Variants in ZNF589 observed in about 807,000 individuals in gnomAD.
ZNF589 encodes zinc finger protein 589.
A neutral mutation model predicts 13.6 loss-of-function variants in ZNF589; 17 were observed. The ratio of observed to expected loss-of-function variants is 1.25; its 90% CI spans 0.86 to 1.88. ZNF589 has a LOEUF of 1.88. Ranked by LOEUF, ZNF589 falls within the 40% of genes most tolerant of loss-of-function variation. The probability of loss-of-function intolerance (pLI) is 0.00; values close to 1 mark genes in which losing one functional copy is unlikely to be tolerated. For missense variants in ZNF589, 407 were observed against 434.0 expected (o/e 0.94, Z 0.55); for synonymous variants, 148 against 161.6 (o/e 0.92, Z 0.64).
At chr3:48,253,498 C>CTTTTT (rs59231973) in intron 2 of ZNF589, among the ~76,000 whole-genome samples, 2 of 95,320 alleles carry the variant, frequency 2.1e-5, no homozygotes, top group African/African-American at 4.0e-5. Context: ...TCATATTTTT[C>CTTTTT]TTTTTTTTTT....
intron 2 of ZNF589, 51 bp downstream of exon 2, chr3:48,247,728 A>C: frequency 6.3e-7 from 1 of 1,595,522 alleles, no homozygotes; most frequent in Non-Finnish European, 8.6e-7. Context: ...CATTTCTCAG[A>C]GAATGGGCTC....
chr3:48,257,540 G>A (rs1052087377), intron 2 of ZNF589, among the ~76,000 whole-genome samples: 3 of 152,018 alleles, frequency 2.0e-5, no homozygotes, highest in Non-Finnish European at 4.4e-5. Context: ...GATTACAGAC[G>A]TGAGCCACCG....
Position 48,269,265 on chromosome 3 carries a change from A to G in ZNF589, c.*479A>G, listed in dbSNP as rs754525171. On this transcript the variant is annotated 3_prime_UTR_variant, in exon 4 of 4. Coordinates refer to ENST00000354698, the MANE Select transcript of ZNF589 (RefSeq NM_016089.3). The stretch of plus-strand genomic sequence containing the variant: ...AGACACCAGAGGACACACACAGGAG[A>G]AAAGCCTTATGTCTGCGGAGAGTGT... 4.3e-5 allele frequency: 67 copies of G among 1,559,242 alleles called. No individual in the cohort carries two copies. Among genetic ancestry groups the G allele is most frequent in the Non-Finnish European group, 5.7e-5 (65 of 1,140,712 alleles).
rs1254366689 is a variant in ZNF589 at position 48,268,290 on chromosome 3, T to C, written c.599T>C (p.Val200Ala). 4.3e-6 allele frequency: 7 copies of C among 1,612,888 alleles called. No homozygotes were observed. Among genetic ancestry groups the C allele is most frequent in the African/African-American group, 2.7e-5 (2 of 74,866 alleles). ...SPAQNASSEE[V>A]DRISKRAETP... ...GCCCAGAATGCAAGCTCTGAGGAAGTAGACAGAATTTCCAAGAGGGCAGAA... is the reference window on the plus strand; with the variant it reads ...GCCCAGAATGCAAGCTCTGAGGAAGCAGACAGAATTTCCAAGAGGGCAGAA... Residue 200 changes from valine to alanine, a missense_variant, in exon 4 of 4, where the codon GTA becomes GCA. Val to Ala is a moderately conservative substitution (Grantham distance 64). Coordinates refer to ENST00000354698, the MANE Select transcript of ZNF589 (RefSeq NM_016089.3).
intron 1 of ZNF589, among the ~76,000 whole-genome samples, chr3:48,245,844 G>A (rs767898506): frequency 6.6e-6 from 1 of 151,976 alleles, no homozygotes; most frequent in Non-Finnish European, 1.5e-5. Flanking sequence ...CTACTTGGGA[G>A]GCTGATGCAG....
At chr3:48,245,946 C>CA (rs1378321395) in intron 1 of ZNF589, among the ~76,000 whole-genome samples, 9,446 of 125,574 alleles carry the variant, frequency 0.075, 546 homozygotes, top group African/African-American at 0.18. Context: ...GACTCTGTCT[C>CA]AAAAAAAAAA....
intron 1 of ZNF589, among the ~76,000 whole-genome samples, chr3:48,243,383 C>T (rs191499029): frequency 6.6e-6 from 1 of 151,998 alleles, no homozygotes; most frequent in Non-Finnish European, 1.5e-5. Flanking sequence ...GTTTGCCAAG[C>T]CATTGTTCAG....
Position 48,269,320 on chromosome 3 carries a change from C to T in ZNF589, c.*534C>T. ...GAGGCTTTATAGCTCAGTCAACCCT[C>T]CACTACCACCGGAGTACACACTCCA... On this transcript the variant is annotated 3_prime_UTR_variant, in exon 4 of 4. Coordinates refer to ENST00000354698, the MANE Select transcript of ZNF589 (RefSeq NM_016089.3). The T allele has an allele frequency of 7.2e-7, 1 of 1,380,276 alleles. No individual in the cohort carries two copies. The highest frequency in any genetic ancestry group is 2.5e-5 in the East Asian group (1 of 40,670). 85.5% of individuals were successfully genotyped at this position (1,380,276 alleles called of 1,614,324 possible).
At chr3:48,242,091 T>C (rs1441457633) in intron 1 of ZNF589, among the ~76,000 whole-genome samples, 5 of 151,660 alleles carry the variant, frequency 3.3e-5, no homozygotes, top group Non-Finnish European at 5.9e-5. Context: ...GGATTACAGG[T>C]GTTAGCCACC....
At chr3:48,250,807 G>T (rs920072368) in intron 2 of ZNF589, among the ~76,000 whole-genome samples, 11 of 152,012 alleles carry the variant, frequency 7.2e-5, no homozygotes, top group Admixed American at 1.3e-4. Flanking sequence ...TGAATATTTT[G>T]TTCTAGCCTA....
intron 2 of ZNF589, among the ~76,000 whole-genome samples, chr3:48,253,231 A>G (rs974358951): frequency 6.6e-6 from 1 of 151,976 alleles, no homozygotes; most frequent in African/African-American, 2.4e-5. Flanking sequence ...GGCTTTTGCC[A>G]CGTTGGCCAG....
chr3:48,268,839 C>A lies in ZNF589; in HGVS notation c.*53C>A. ...CTCAACACACACCAGAGGATACATT[C>A]AGATGAGAAGCCTTTTGTTTGCAGA... On this transcript the variant is annotated 3_prime_UTR_variant, in exon 4 of 4. Transcript: ENST00000354698. The A allele has an allele frequency of 6.5e-7, 1 of 1,547,456 alleles. No individual in the cohort carries two copies. Among genetic ancestry groups the A allele is most frequent in the South Asian group, 1.2e-5 (1 of 80,148 alleles).
At chr3:48,252,226 C>A (rs542185268) in intron 2 of ZNF589, among the ~76,000 whole-genome samples, 1 of 151,642 alleles carries the variant, frequency 6.6e-6, no homozygotes, top group South Asian at 2.1e-4. Flanking sequence ...GATTCTCGCT[C>A]TGTCTCCCAG....
intron 3 of ZNF589, among the ~76,000 whole-genome samples, chr3:48,266,859 C>T (rs1399754680): frequency 6.6e-6 from 1 of 152,190 alleles, no homozygotes; most frequent in Non-Finnish European, 1.5e-5. Flanking sequence ...CTAAAATTAT[C>T]CTCTACCATA....
At chr3:48,241,938 C>T (rs992124254) in intron 1 of ZNF589, among the ~76,000 whole-genome samples, 1 of 151,704 alleles carries the variant, frequency 6.6e-6, no homozygotes, top group African/African-American at 2.4e-5. Context: ...GCCTCAGCTT[C>T]CGGAGTAGCT....
intron 2 of ZNF589, among the ~76,000 whole-genome samples, chr3:48,250,212 A>G (rs2033821938): frequency 6.6e-6 from 1 of 151,704 alleles, no homozygotes; most frequent in Non-Finnish European, 1.5e-5. Flanking sequence ...CATCCTGTAT[A>G]ATGTGGTTCT....
Position 48,268,942 on chromosome 3 carries a change from G to T in ZNF589, c.*156G>T, listed in dbSNP as rs1020872635. 2 of 1,076,218 alleles carry T rather than the reference G, an allele frequency of 1.9e-6. No homozygotes were observed. Among genetic ancestry groups the T allele is most frequent in the Admixed American group, 5.0e-5 (2 of 39,942 alleles). The allele number at this position is 1,076,218 out of a possible 1,614,324, so 66.7% of individuals were successfully genotyped here. The stretch of plus-strand genomic sequence containing the variant: ...CACATTCAGAGGTGAAACCTCACGT[G>T]TGTGAGGAGTGTGGGCATGGATTTA... On this transcript the variant is annotated 3_prime_UTR_variant, in exon 4 of 4. Coordinates refer to ENST00000354698, the MANE Select transcript of ZNF589 (RefSeq NM_016089.3).
intron 1 of ZNF589, among the ~76,000 whole-genome samples, chr3:48,246,169 C>T (rs1388872286): frequency 1.3e-5 from 2 of 152,032 alleles, no homozygotes; most frequent in African/African-American, 4.8e-5. Flanking sequence ...CAAAAATTAG[C>T]TGGGCATGGT....
intron 1 of ZNF589, among the ~76,000 whole-genome samples, chr3:48,242,600 G>A (rs1224986462): frequency 1.3e-5 from 2 of 152,014 alleles, no homozygotes; most frequent in Non-Finnish European, 2.9e-5. Context: ...CACTGCACCT[G>A]GTCTTGCAAA....
Sources: allele counts gnomAD v4.1 joint callset (sites outside exome capture counted in the v4.1 genomes callset), GRCh38; gene constraint gnomAD v4.1.1; transcripts MANE v1.5; gene names NCBI Gene and HGNC (gene_info 2026-07-23, HGNC 2026-07-21).